Variants in TRAPPC9 observed in about 807,000 individuals in gnomAD.
TRAPPC9 encodes the protein IKK2 binding protein.
Under a neutral mutation model 124.0 loss-of-function variants are expected in TRAPPC9, and 83 were observed. That is an observed-to-expected ratio of 0.67 (90% CI 0.56 to 0.80). The LOEUF is 0.80. Among genes scored for constraint, TRAPPC9 ranks in the 30% least tolerant of loss-of-function variants. The pLI is 0.00. For missense variants in TRAPPC9, 1,302 were observed against 1,508.3 expected, an observed-to-expected ratio of 0.86 and a Z score of 2.27; for synonymous variants, 638 against 617.5, an observed-to-expected ratio of 1.03 and a Z score of -0.49.
At chr8:140,112,056 C>A (rs2060786031) in intron 17 of TRAPPC9, among the ~76,000 whole-genome samples, 1 of 152,270 alleles carries the variant, frequency 6.6e-6, no homozygotes, top group Admixed American at 6.5e-5. Context: ...CCTTCATCAA[C>A]TTGGCCACTT....
Position 140,093,594 on chromosome 8 carries a change from A to G in TRAPPC9, c.2557-69515T>C, listed in dbSNP as rs140753246. 3.0e-3 allele frequency among the ~76,000 whole-genome samples: 462 copies of G among 152,142 alleles called. 3 individuals are homozygous for G. Among genetic ancestry groups the G allele is most frequent in the African/African-American group, 0.01 (430 of 41,492 alleles). ...GAGGCAGTAGAATTGCTTGAACTCA[A>G]GAGGCGGAGGGTGCAGTGAGCCAAG... On this transcript the variant is annotated intron_variant, in intron 17 of 22. Transcript: ENST00000438773.
intron 9 of TRAPPC9, among the ~76,000 whole-genome samples, chr8:140,319,029 C>T (rs1190899064): frequency 6.6e-6 from 1 of 152,202 alleles, no homozygotes; most frequent in Non-Finnish European, 1.5e-5. Context: ...ATGTTCACAG[C>T]ATATGATTTG....
intron 19 of TRAPPC9, among the ~76,000 whole-genome samples, chr8:139,979,485 G>T (rs1354691917): frequency 6.6e-6 from 1 of 152,174 alleles, no homozygotes; most frequent in Non-Finnish European, 1.5e-5. Flanking sequence ...CCTGCACTCG[G>T]GTGCACGGTC....
rs539343489 is a variant in TRAPPC9, at chr8:139,868,006, G to A, written c.3055+17873C>T. Among the ~76,000 whole-genome samples, 15 of 152,244 alleles carry A rather than the reference G, an allele frequency of 9.9e-5. No individual in the cohort carries two copies. In the South Asian group the frequency reaches 1.4e-3, roughly 15 times the overall value. Reference sequence around the variant, plus strand: ...GTTATACAAGAGAATGTCCTTGTTCGTAGGAAATACACATTAATAATTTGG... The same window carrying A: ...GTTATACAAGAGAATGTCCTTGTTCATAGGAAATACACATTAATAATTTGG... On this transcript the variant is annotated intron_variant, in intron 21 of 22. Coordinates refer to ENST00000438773, the MANE Select transcript of TRAPPC9 (RefSeq NM_001160372.4).
chr8:140,281,102 G>C (rs973831628), intron 14 of TRAPPC9, among the ~76,000 whole-genome samples: 1 of 152,168 alleles, frequency 6.6e-6, no homozygotes, highest in Non-Finnish European at 1.5e-5. Flanking sequence ...ATGAACACTC[G>C]CACACAGGTT....
chr8:140,247,998 C>T (rs961484828), intron 16 of TRAPPC9, among the ~76,000 whole-genome samples: 37 of 152,084 alleles, frequency 2.4e-4, no homozygotes, highest in African/African-American at 7.0e-4. Context: ...CTTCTGAGCA[C>T]GTTCTTCTAT....
chr8:139,877,736 C>T (rs890417662), intron 21 of TRAPPC9, among the ~76,000 whole-genome samples: 3 of 152,180 alleles, frequency 2.0e-5, no homozygotes, highest in African/African-American at 4.8e-5. Flanking sequence ...CTCTGCTGGG[C>T]TCCAAGCCTG....
intron 2 of TRAPPC9, among the ~76,000 whole-genome samples, chr8:140,440,759 G>A (rs1170344306): frequency 3.3e-5 from 5 of 152,006 alleles, no homozygotes; most frequent in African/African-American, 1.2e-4. Context: ...CCCCTCCCAC[G>A]GCTCTGGCTT....
rs148695469 is a variant in TRAPPC9 at position 139,797,190 on chromosome 8, C to T, written c.3056-64988G>A. Among the ~76,000 whole-genome samples, 240 of 151,994 alleles carry T rather than the reference C, an allele frequency of 1.6e-3. 2 individuals carry two copies. Among genetic ancestry groups the T allele is most frequent in the Non-Finnish European group, 3.0e-3 (202 of 67,962 alleles). The stretch of plus-strand genomic sequence containing the variant: ...TGGTTTGCAAATATTTTAATCCATC[C>T]GGTGTGTTGTCTTTTCACTTTCTTG... On this transcript the variant is annotated intron_variant, in intron 21 of 22. Transcript: ENST00000438773.
At chr8:140,377,394 G>A (rs943506220) in intron 7 of TRAPPC9, among the ~76,000 whole-genome samples, 5 of 152,054 alleles carry the variant, frequency 3.3e-5, no homozygotes, top group African/African-American at 1.2e-4. Context: ...TGCCTCCCAG[G>A]TTCAAACAAT....
chr8:139,770,123 T>C (rs1820861682), intron 21 of TRAPPC9, among the ~76,000 whole-genome samples: 2 of 152,334 alleles, frequency 1.3e-5, no homozygotes, highest in Middle Eastern at 3.4e-3. Flanking sequence ...TGGTCTCCCA[T>C]CTGCACTGCA....
rs185713264 is a variant in TRAPPC9, at chr8:140,453,343, A to G, written c.-10-1960T>C. Among the ~76,000 whole-genome samples the G allele has an allele frequency of 2.7e-3, 409 of 152,310 alleles. 1 individual carries two copies. In the Middle Eastern group the frequency reaches 0.031, roughly 11 times the overall value. On this transcript the variant is annotated intron_variant, in intron 1 of 22. Transcript: ENST00000438773. ...TTTCTTTTTCTTAAATAGGAAGCCC[A>G]AAACTGCATAACCTTCAGGTCACCA...
intron 8 of TRAPPC9, among the ~76,000 whole-genome samples, chr8:140,368,189 T>A (rs2068176627): frequency 2.0e-5 from 3 of 152,128 alleles, no homozygotes; most frequent in Non-Finnish European, 2.9e-5. Context: ...ATCCCTTGCT[T>A]TTGTCTTAGC....
intron 16 of TRAPPC9, among the ~76,000 whole-genome samples, chr8:140,224,916 G>C (rs2063412293): frequency 1.3e-5 from 2 of 152,210 alleles, no homozygotes; most frequent in African/African-American, 4.8e-5. Context: ...TAGGAGATCA[G>C]AGGGGTCGGG....
At chr8:140,189,579 C>T (rs1430011189) in intron 17 of TRAPPC9, among the ~76,000 whole-genome samples, 2 of 152,064 alleles carry the variant, frequency 1.3e-5, no homozygotes, top group African/African-American at 2.4e-5. Context: ...TAAAGAGATG[C>T]GTGGAGAAAA....
chr8:140,223,712 A>T (rs968125583), intron 16 of TRAPPC9, among the ~76,000 whole-genome samples: 2 of 152,030 alleles, frequency 1.3e-5, no homozygotes, highest in African/African-American at 4.8e-5. Context: ...ATATGCAATT[A>T]ACCAAGCATA....
At chr8:139,896,437 A>G (rs1830673613) in intron 20 of TRAPPC9, among the ~76,000 whole-genome samples, 1 of 152,222 alleles carries the variant, frequency 6.6e-6, no homozygotes, top group Admixed American at 6.5e-5. Flanking sequence ...TCTCACTGCA[A>G]TACTCACCAC....
At chr8:140,314,446 T>C (rs1413140182) in intron 9 of TRAPPC9, among the ~76,000 whole-genome samples, 1 of 152,230 alleles carries the variant, frequency 6.6e-6, no homozygotes, top group African/African-American at 2.4e-5. Flanking sequence ...TTATCGGTTC[T>C]TTGTGATAAG....
chr8:140,451,402 T>C lies in TRAPPC9; in HGVS notation c.-10-19A>G, dbSNP rs1186954237. On this transcript the variant is annotated intron_variant, in intron 1 of 22. Transcript: ENST00000438773. ...GAAGTCCCTGTTCAGAGAGAAGAAA[T>C]GAGGCTGTGAGACACAGAGTCCTGA... 1.3e-6 allele frequency: 2 copies of C among 1,588,870 alleles called. No individual in the cohort carries two copies. Among genetic ancestry groups the C allele is most frequent in the Admixed American group, 1.7e-5 (1 of 59,576 alleles).
Sources: allele counts gnomAD v4.1 joint callset (sites outside exome capture counted in the v4.1 genomes callset), GRCh38; gene constraint gnomAD v4.1.1; transcripts MANE v1.5; gene names NCBI Gene and HGNC (gene_info 2026-07-23, HGNC 2026-07-21).